The following CNBD1 variants were observed in gnomAD, a reference collection of about 807,000 sequenced individuals.
CNBD1 encodes cyclic nucleotide binding domain containing 1.
CNBD1 carries 71 observed loss-of-function variants against 54.4 expected under a neutral mutation model. The observed-to-expected ratio is 1.30, with a 90% CI of 1.08 to 1.59. The LOEUF is 1.59. Ranked by LOEUF, CNBD1 falls within the 40% of genes most tolerant of loss-of-function variation. CNBD1 has a pLI of 0.00. For synonymous variants in CNBD1, 182 were observed against 170.7 expected, an observed-to-expected ratio of 1.07 and a Z score of -0.51; for missense variants, 659 against 518.0, an observed-to-expected ratio of 1.27 and a Z score of -2.64.
Position 87,148,622 on chromosome 8 carries a change from C to T in CNBD1, c.432-57371C>T, listed in dbSNP as rs148629255. Among the ~76,000 whole-genome samples the T allele has an allele frequency of 8.7e-4, 133 of 152,224 alleles. 1 individual carries two copies. Among genetic ancestry groups the T allele is most frequent in the African/African-American group, 3.1e-3 (128 of 41,526 alleles). On this transcript the variant is annotated intron_variant, in intron 4 of 10. Coordinates refer to ENST00000518476, the MANE Select transcript of CNBD1 (RefSeq NM_173538.3). Reference sequence around the variant, plus strand: ...TGTGATGTTTAATTTAACTATGGAACACAGAGCTCCTGGGGAGAGCACTGA... The same window carrying T: ...TGTGATGTTTAATTTAACTATGGAATACAGAGCTCCTGGGGAGAGCACTGA...
intron 8 of CNBD1, among the ~76,000 whole-genome samples, chr8:87,340,281 A>AT (rs1810038342): frequency 6.6e-6 from 1 of 152,034 alleles, no homozygotes; most frequent in Non-Finnish European, 1.5e-5. Context: ...GATAATTCAT[A>AT]TTTTTCTTGC....
At chr8:87,195,328 G>A (rs910303637) in intron 4 of CNBD1, among the ~76,000 whole-genome samples, 6 of 148,440 alleles carry the variant, frequency 4.0e-5, no homozygotes, top group Admixed American at 6.8e-5. Flanking sequence ...TCCCAGGTTC[G>A]AGTGATTCTT....
At chr8:87,424,484 C>T (rs1439010894) in intron 2 of CNBD1, among the ~76,000 whole-genome samples, 1 of 152,160 alleles carries the variant, frequency 6.6e-6, no homozygotes, top group Non-Finnish European at 1.5e-5. Flanking sequence ...TGTCTTTGTT[C>T]TCACTGGTTT....
At chr8:87,013,085 C>G (rs1809258959) in intron 4 of CNBD1, among the ~76,000 whole-genome samples, 1 of 152,186 alleles carries the variant, frequency 6.6e-6, no homozygotes, top group South Asian at 2.1e-4. Context: ...ACTCAAGACC[C>G]CAAAGGAGTT....
rs565108435 is a variant in CNBD1 at position 87,390,805 on chromosome 8, G to A, written c.213+37019G>A. Among the ~76,000 whole-genome samples the A allele has an allele frequency of 3.9e-3, 591 of 152,076 alleles. 8 individuals are homozygous for A. The highest frequency in any genetic ancestry group is 0.013 in the African/African-American group (553 of 41,470). Reference sequence around the variant, plus strand: ...ACACATGCACACATATGTTTATTGCGGCACTATTCACAATAGCAAAGACTT... The same window carrying A: ...ACACATGCACACATATGTTTATTGCAGCACTATTCACAATAGCAAAGACTT... On this transcript the variant is annotated intron_variant, in intron 2 of 7. Transcript: ENST00000521593.
chr8:87,351,886 T>G, intron 9 of CNBD1, 92 bp downstream of exon 9: 1 of 1,198,012 alleles, frequency 8.3e-7, no homozygotes, highest in South Asian at 2.6e-5. Flanking sequence ...GACATTTATT[T>G]GTATTACTTT....
At chr8:87,092,702 A>T (rs954265590) in intron 4 of CNBD1, among the ~76,000 whole-genome samples, 2 of 151,724 alleles carry the variant, frequency 1.3e-5, no homozygotes, top group African/African-American at 4.8e-5. Context: ...TTTACTTTTT[A>T]AAAAAAATTC....
intron 4 of CNBD1, among the ~76,000 whole-genome samples, chr8:87,140,066 A>G (rs1812341512): frequency 6.6e-6 from 1 of 152,170 alleles, no homozygotes; most frequent in Non-Finnish European, 1.5e-5. Context: ...AAAAAATTGT[A>G]ATAACTTCAA....
rs1813389470 is a variant in CNBD1, at chr8:87,182,985, G to A, written c.432-23008G>A. Among the ~76,000 whole-genome samples, 1 of 152,094 alleles carries A rather than the reference G, an allele frequency of 6.6e-6. No individual in the cohort carries two copies. Among genetic ancestry groups the A allele is most frequent in the East Asian group, 1.9e-4 (1 of 5,186 alleles). The stretch of plus-strand genomic sequence containing the variant: ...ACATGAAATTTTTGCTAAGTCCTAT[G>A]TTCAGAATGTCATTTCCTAGTTTTT... On this transcript the variant is annotated intron_variant, in intron 4 of 10. Coordinates refer to ENST00000518476, the MANE Select transcript of CNBD1 (RefSeq NM_173538.3). The surrounding 1 kb of genome is among the most constrained non-coding windows in gnomAD (Gnocchi z 4.1).
At chr8:87,100,304 T>G (rs1811405142) in intron 4 of CNBD1, among the ~76,000 whole-genome samples, 1 of 152,108 alleles carries the variant, frequency 6.6e-6, no homozygotes, top group Non-Finnish European at 1.5e-5. Flanking sequence ...TTTAAATATT[T>G]TAAAAGAAAA....
chr8:87,199,730 G>T (rs2130792576), intron 4 of CNBD1, among the ~76,000 whole-genome samples: 1 of 152,268 alleles, frequency 6.6e-6, no homozygotes, highest in East Asian at 1.9e-4. Flanking sequence ...TAGAGCAGGG[G>T]TTTTACACAC....
intron 10 of CNBD1, among the ~76,000 whole-genome samples, chr8:87,379,619 G>T (rs559101646): frequency 6.6e-6 from 1 of 151,758 alleles, no homozygotes; most frequent in African/African-American, 2.4e-5. Context: ...GAAATAAAAG[G>T]GAAAACATTA....
chr8:87,309,985 C>A (rs1334350286), intron 8 of CNBD1, among the ~76,000 whole-genome samples: 2 of 152,088 alleles, frequency 1.3e-5, no homozygotes, highest in Non-Finnish European at 2.9e-5. Context: ...AGTAGAGTTT[C>A]AAGATACAAA....
intron 4 of CNBD1, among the ~76,000 whole-genome samples, chr8:87,191,750 C>A (rs1160320274): frequency 6.6e-6 from 1 of 152,210 alleles, no homozygotes; most frequent in Non-Finnish European, 1.5e-5. Flanking sequence ...AAGAAACACC[C>A]CGACTGCCCA....
At chr8:86,917,690 C>G (rs1809209170) in intron 3 of CNBD1, among the ~76,000 whole-genome samples, 1 of 152,002 alleles carries the variant, frequency 6.6e-6, no homozygotes, top group Non-Finnish European at 1.5e-5. Flanking sequence ...AAGTAGATAC[C>G]AATCCAGAGC....
intron 1 of CNBD1, among the ~76,000 whole-genome samples, chr8:86,881,218 T>G (rs1808601620): frequency 6.6e-6 from 1 of 152,214 alleles, no homozygotes; most frequent in East Asian, 1.9e-4. Context: ...ATTCAAATAG[T>G]AAGAGAGGAA....
At chr8:86,992,459 C>A (rs1270734237) in intron 4 of CNBD1, among the ~76,000 whole-genome samples, 1 of 152,020 alleles carries the variant, frequency 6.6e-6, no homozygotes, top group Non-Finnish European at 1.5e-5. Context: ...AGCATTTAGA[C>A]CATTTTCATT....
chr8:86,958,989 G>C (rs905261671), intron 4 of CNBD1, among the ~76,000 whole-genome samples: 1 of 152,158 alleles, frequency 6.6e-6, no homozygotes, highest in African/African-American at 2.4e-5. Context: ...GCTGGTACCG[G>C]TTGTTCTTTT....
At chr8:86,888,878 G>A (rs987863392) in intron 2 of CNBD1, among the ~76,000 whole-genome samples, 3 of 151,832 alleles carry the variant, frequency 2.0e-5, no homozygotes, top group African/African-American at 4.8e-5. Flanking sequence ...TCTCTTTGGG[G>A]GGTCATAATA....
Sources: allele counts gnomAD v4.1 joint callset (sites outside exome capture counted in the v4.1 genomes callset), GRCh38; gene constraint gnomAD v4.1.1; non-coding constraint Gnocchi (gnomAD v3.1); transcripts MANE v1.5; gene names NCBI Gene and HGNC (gene_info 2026-07-23, HGNC 2026-07-21).